The following KY variants were observed in gnomAD, a reference collection of about 807,000 sequenced individuals.
KY encodes kyphoscoliosis peptidase.
KY carries 43 observed loss-of-function variants against 76.1 expected under a neutral mutation model. The observed-to-expected ratio is 0.57, with a 90% CI of 0.44 to 0.73. The LOEUF is 0.73. Among genes scored for constraint, KY ranks in the 30% least tolerant of loss-of-function variants. The pLI is 0.00. For missense variants in KY, 722 were observed against 828.9 expected (o/e 0.87, Z 1.58); for synonymous variants, 277 against 326.2 (o/e 0.85, Z 1.63).
chr3:134,620,804 G>A lies in KY; in HGVS notation c.537C>T (p.Ala179=). Residue 179 remains alanine (A), a synonymous_variant, in exon 7 of 11, where the codon GCC becomes GCT. Transcript: ENST00000423778. The part of the protein sequence containing the change: ...DELVSDLLQE[A]HTDLERVRAI... ...CGCGGACCCTTTCCAGGTCAGTGTG[G>A]GCCTCCTGGAGCAGGTCACTCACCA... 2 of 1,613,598 alleles carry A rather than the reference G, an allele frequency of 1.2e-6. No individual in the cohort carries two copies. The highest frequency in any genetic ancestry group is 1.7e-6 in the Non-Finnish European group (2 of 1,179,756).
rs1023200150 is a variant in KY, at chr3:134,637,207, A to G, written c.262+6109T>C. On this transcript the variant is annotated intron_variant, in intron 3 of 10. Coordinates refer to ENST00000423778, the MANE Select transcript of KY (RefSeq NM_178554.6). The stretch of plus-strand genomic sequence containing the variant: ...CTTGTGAGTTTGTAATTAAAACATT[A>G]AGCATTTCAGAGTTCAAGGCATAAT... Among the ~76,000 whole-genome samples, 8 of 152,372 alleles carry G rather than the reference A, an allele frequency of 5.3e-5. No homozygotes were observed. The East Asian group carries it at 1.3e-3, about 26-fold the overall frequency.
intron 8 of KY, among the ~76,000 whole-genome samples, chr3:134,617,901 G>A (rs534314038): frequency 6.6e-6 from 1 of 152,238 alleles, no homozygotes; most frequent in South Asian, 2.1e-4. Flanking sequence ...TGATCCTTTA[G>A]TGATGTTAGG....
At position 134,629,805 on chromosome 3, in the gene KY, G is replaced by A. The variant is rs150729495; in HGVS notation, c.263-110C>T. ...ACAATTAGTTTTAGAACTTTCTTTT[G>A]TGTGTACAAATCATCCTTGTTTTTT... On this transcript the variant is annotated intron_variant, in intron 3 of 10. Transcript: ENST00000423778. 63 of 701,636 alleles carry A rather than the reference G, an allele frequency of 9.0e-5. 1 individual carries two copies. In the African/African-American group the frequency reaches 9.4e-4, roughly 11 times the overall value. 43.5% of individuals were successfully genotyped at this position (701,636 alleles called of 1,614,324 possible).
chr3:134,646,644 A>G (rs1387653619), intron 2 of KY, among the ~76,000 whole-genome samples: 1 of 152,154 alleles, frequency 6.6e-6, no homozygotes, highest in Non-Finnish European at 1.5e-5. Context: ...AGTCCTATTC[A>G]TCTGCAATCC....
intron 6 of KY, among the ~76,000 whole-genome samples, chr3:134,624,820 G>A (rs1444195958): frequency 6.6e-6 from 1 of 152,136 alleles, no homozygotes; most frequent in Non-Finnish European, 1.5e-5. Context: ...GTTGTATGGG[G>A]TGGGAGCAAC....
At chr3:134,637,821 TGAAA>T (rs1356239192) in intron 3 of KY, among the ~76,000 whole-genome samples, 1 of 152,240 alleles carries the variant, frequency 6.6e-6, no homozygotes, top group African/African-American at 2.4e-5. Context: ...TGTCTCTTTG[TGAAA>T]GAGTGATCAA....
At position 134,603,726 on chromosome 3, in the gene KY, G is replaced by T. The variant is rs761857090; in HGVS notation, c.1839C>A (p.Asp613Glu). The T allele has an allele frequency of 6.2e-7, 1 of 1,613,432 alleles. No individual in the cohort carries two copies. The highest frequency in any genetic ancestry group is 8.5e-7 in the Non-Finnish European group (1 of 1,179,532). Residue 613 changes from aspartate (D) to glutamate (E), a missense_variant, in exon 11 of 11, where the codon GAC (aspartate) becomes GAA (glutamate). Physicochemically the swap from Asp to Glu is conservative, Grantham distance 45. This residue lies in a region of KY where 552 missense variants were observed against 680.9 expected (regional missense o/e 0.81). Coordinates refer to ENST00000423778, the MANE Select transcript of KY (RefSeq NM_178554.6). Reference sequence around the variant, plus strand: ...CGTGGTTCAGGGTCAGGGGCCATGTGTCCTGCCCCTTCACCAGGACTTTGG... The same window carrying T: ...CGTGGTTCAGGGTCAGGGGCCATGTTTCCTGCCCCTTCACCAGGACTTTGG... ...GIAKVLVKGQ[D>E]TWPLTLNHEG...
At chr3:134,619,367 A>G (rs1962176519) in intron 7 of KY, 102 bp from the exon 8 acceptor site, 4 of 844,964 alleles carry the variant, frequency 4.7e-6, no homozygotes, top group Non-Finnish European at 8.2e-6. Context: ...GCCCCAGGAA[A>G]CTACAGTGGG....
intron 3 of KY, among the ~76,000 whole-genome samples, chr3:134,631,836 C>G (rs1286655679): frequency 6.6e-6 from 1 of 151,988 alleles, no homozygotes; most frequent in Non-Finnish European, 1.5e-5. Context: ...ACAAATGTAT[C>G]AGTAATTACA....
chr3:134,624,721 T>C (rs1248670170), intron 6 of KY, among the ~76,000 whole-genome samples: 1 of 152,096 alleles, frequency 6.6e-6, no homozygotes, highest in East Asian at 1.9e-4. Context: ...GAGGCAGGCA[T>C]AGCTTAGGAG....
chr3:134,619,198 G>A lies in KY; in HGVS notation c.660C>T (p.Thr220=). The A allele has an allele frequency of 6.2e-7, 1 of 1,613,946 alleles. No individual in the cohort carries two copies. The highest frequency in any genetic ancestry group is 8.5e-7 in the Non-Finnish European group (1 of 1,179,876). The part of the protein sequence containing the change: ...QAFKPTDILR[T]QKTNCDGYAG... ...CATAGCCATCACAGTTGGTCTTCTG[G>A]GTCCGCAGGATGTCAGTGGGTTTGA... Residue 220 remains threonine, a synonymous_variant, in exon 8 of 11, where the codon ACC becomes ACT. Transcript: ENST00000423778.
chr3:134,619,303 C>G (rs773071771), intron 7 of KY, 38 bp from the exon 8 acceptor site: 2 of 1,528,356 alleles, frequency 1.3e-6, no homozygotes, highest in South Asian at 1.1e-5. Context: ...GAGCTTGAGC[C>G]TGGGAGGCGA....
At chr3:134,614,939 A>G (rs1961250458) in intron 8 of KY, among the ~76,000 whole-genome samples, 1 of 152,124 alleles carries the variant, frequency 6.6e-6, no homozygotes, top group South Asian at 2.1e-4. Context: ...AAAGGGAGGG[A>G]GTGTGCCTGT....
rs778485102 is a variant in KY at position 134,603,595 on chromosome 3, T to G, written c.1970A>C (p.Lys657Thr). The change falls in exon 11 of 11, where the codon AAA becomes ACA. Residue 657 changes from lysine (K) to threonine (T), a missense_variant. Transcript: ENST00000423778. ...HNFYSYILKY[K>T]VNAQ is the part of the protein sequence containing the mutation. ...GCACAGCCCTCACTGGGCATTCACT[T>G]TGTATTTCAGGATGTAGGAGTAGAA... 1 of 1,583,886 alleles carries G rather than the reference T, an allele frequency of 6.3e-7. No individual in the cohort carries two copies. Among genetic ancestry groups the G allele is most frequent in the East Asian group, 2.2e-5 (1 of 44,472 alleles).
At chr3:134,629,034 C>CGG in intron 4 of KY, among the ~76,000 whole-genome samples, 1 of 152,016 alleles carries the variant, frequency 6.6e-6, no homozygotes, top group Non-Finnish European at 1.5e-5. Context: ...CCATAAGGTG[C>CGG]ACAGATGCAG....
In KY at chr3:134,606,670, C is replaced by T. The variant is rs566434555; in HGVS notation, c.1090+1979G>A. Among the ~76,000 whole-genome samples, 10 of 152,302 alleles carry T rather than the reference C, an allele frequency of 6.6e-5. No individual in the cohort carries two copies. The East Asian group carries it at 1.7e-3, about 26-fold the overall frequency. On this transcript the variant is annotated intron_variant, in intron 10 of 10. Transcript: ENST00000423778. ...GTGAAGGGGCTAGCCTGTTTCATTT[C>T]CTGCCACGTCTTAGTGCCTGGTTGT...
At chr3:134,609,534 G>A (rs1959946542) in intron 9 of KY, among the ~76,000 whole-genome samples, 1 of 152,136 alleles carries the variant, frequency 6.6e-6, no homozygotes, top group Non-Finnish European at 1.5e-5. Flanking sequence ...TCATGTTTCT[G>A]AATAAAAAGG....
chr3:134,649,959 C>A (rs1966845611), intron 1 of KY, among the ~76,000 whole-genome samples: 1 of 152,214 alleles, frequency 6.6e-6, no homozygotes, highest in Non-Finnish European at 1.5e-5. Context: ...TCCTAAAGAA[C>A]TGGCCCGCAG....
chr3:134,648,447 C>T (rs1966700706), intron 1 of KY, among the ~76,000 whole-genome samples: 1 of 152,176 alleles, frequency 6.6e-6, no homozygotes, highest in Non-Finnish European at 1.5e-5. Flanking sequence ...TGGGATAAGA[C>T]CTAAGACTTC....
Sources: allele counts gnomAD v4.1 joint callset (sites outside exome capture counted in the v4.1 genomes callset), GRCh38; gene constraint gnomAD v4.1.1; regional missense constraint gnomAD v4.1.1; transcripts MANE v1.5; gene names NCBI Gene and HGNC (gene_info 2026-07-23, HGNC 2026-07-21).